Variants in MAGI2 observed in about 807,000 individuals in gnomAD.
The protein encoded by MAGI2 is membrane associated guanylate kinase, WW and PDZ domain containing 2, also known as membrane-associated guanylate kinase, WW and PDZ domain-containing protein 2.
In MAGI2, 35 loss-of-function variants were observed where a neutral mutation model predicts 133.3. The observed-to-expected ratio is 0.26, with a 90% CI of 0.20 to 0.35. The LOEUF is 0.35. Among genes scored for constraint, MAGI2 ranks in the 10% least tolerant of loss-of-function variants. The pLI, the probability that MAGI2 is intolerant of heterozygous loss-of-function variation, is 1.00. For missense variants in MAGI2, 1,636 were observed against 1,863.4 expected (o/e 0.88, Z 2.25); for synonymous variants, 729 against 710.6 (o/e 1.03, Z -0.41).
intron 1 of MAGI2, among the ~76,000 whole-genome samples, chr7:79,343,101 G>T (rs1052581670): frequency 6.6e-6 from 1 of 152,110 alleles, no homozygotes; most frequent in South Asian, 2.1e-4. Flanking sequence ...CTTTACTGAG[G>T]CATAATTGAA....
chr7:78,639,651 G>A (rs753254324), intron 2 of MAGI2, among the ~76,000 whole-genome samples: 3 of 152,062 alleles, frequency 2.0e-5, no homozygotes, highest in Non-Finnish European at 2.9e-5. Context: ...CAGAATTGGG[G>A]ATATTATAAC....
intron 2 of MAGI2, among the ~76,000 whole-genome samples, chr7:78,704,777 T>TCTTTTTTTTTTTC (rs143394451): frequency 0.49 from 57,106 of 117,012 alleles, 14,602 homozygotes; most frequent in Non-Finnish European, 0.54. Flanking sequence ...AGGCCATTAT[T>TCTTTTTTTTTTTC]CTTTTTTTTT....
intron 9 of MAGI2, among the ~76,000 whole-genome samples, chr7:78,288,106 C>T (rs577252821): frequency 6.6e-5 from 10 of 152,080 alleles, no homozygotes; most frequent in African/African-American, 1.4e-4. Flanking sequence ...TTATTTCAAA[C>T]GCATGAGATC....
chr7:78,544,651 A>G (rs892837189), intron 3 of MAGI2, among the ~76,000 whole-genome samples: 4 of 152,166 alleles, frequency 2.6e-5, no homozygotes, highest in African/African-American at 7.2e-5. Flanking sequence ...TGGAATTGCA[A>G]ACTCTGAAGT....
At chr7:78,501,269 C>G (rs966184794) in intron 5 of MAGI2, among the ~76,000 whole-genome samples, 1 of 152,122 alleles carries the variant, frequency 6.6e-6, no homozygotes, top group Non-Finnish European at 1.5e-5. Context: ...GCTGAGTAAG[C>G]ACTTTCTCAT....
At chr7:78,923,408 A>C (rs1028118935) in intron 2 of MAGI2, among the ~76,000 whole-genome samples, 15 of 152,342 alleles carry the variant, frequency 9.8e-5, no homozygotes, top group African/African-American at 2.9e-4. Flanking sequence ...AGATTTCTAC[A>C]TATGGCTAGC....
At chr7:78,550,974 C>G (rs1799289509) in intron 3 of MAGI2, among the ~76,000 whole-genome samples, 1 of 152,018 alleles carries the variant, frequency 6.6e-6, no homozygotes, top group Admixed American at 6.5e-5. Flanking sequence ...TGTAAGCCAT[C>G]TTAAGTCATT....
At chr7:79,173,148 C>G (rs1432495043) in intron 1 of MAGI2, among the ~76,000 whole-genome samples, 1 of 151,662 alleles carries the variant, frequency 6.6e-6, no homozygotes, top group African/African-American at 2.4e-5. Context: ...TAATAGAAAA[C>G]ATTTTATTCA....
At chr7:78,878,733 A>G (rs1795618013) in intron 2 of MAGI2, among the ~76,000 whole-genome samples, 1 of 152,230 alleles carries the variant, frequency 6.6e-6, no homozygotes, top group Admixed American at 6.5e-5. Context: ...TTTTGGGTGG[A>G]GAAAATTCAC....
At chr7:78,471,409 T>C (rs1791191864) in intron 6 of MAGI2, among the ~76,000 whole-genome samples, 1 of 152,134 alleles carries the variant, frequency 6.6e-6, no homozygotes, top group Non-Finnish European at 1.5e-5. Context: ...AGACAATATA[T>C]GTAATACTCT....
intron 9 of MAGI2, among the ~76,000 whole-genome samples, chr7:78,273,501 G>A (rs1032039898): frequency 1.3e-5 from 2 of 152,276 alleles, no homozygotes; most frequent in East Asian, 3.9e-4. Flanking sequence ...TGTTGGGGAA[G>A]TTCTCCTGGA....
intron 2 of MAGI2, among the ~76,000 whole-genome samples, chr7:78,779,263 G>A (rs1826220104): frequency 6.6e-6 from 1 of 151,804 alleles, no homozygotes; most frequent in Non-Finnish European, 1.5e-5. Context: ...TTTCCCCCAG[G>A]CTTGATCATT....
At position 78,168,113 on chromosome 7, in the gene MAGI2, A is replaced by G. The variant is rs773547315; in HGVS notation, c.2404-5T>C. ...AATGACAGCTCCAATCAAAATCTAG[A>G]GAAGCAGTGAGAAGGAAAGGACATT... is the stretch of plus-strand genomic sequence containing the variant. On this transcript the variant is annotated splice_polypyrimidine_tract_variant and splice_region_variant and intron_variant, in intron 14 of 21. Transcript: ENST00000354212. The G allele has an allele frequency of 8.7e-6, 14 of 1,611,420 alleles. No individual in the cohort carries two copies. Among genetic ancestry groups the G allele is most frequent in the Middle Eastern group, 3.3e-4 (2 of 6,068 alleles).
At position 78,256,586 on chromosome 7, in the gene MAGI2, A is replaced by G; in HGVS notation, c.1409-5T>C. On this transcript the variant is annotated splice_polypyrimidine_tract_variant and splice_region_variant and intron_variant, in intron 9 of 21. Coordinates refer to ENST00000354212, the MANE Select transcript of MAGI2 (RefSeq NM_012301.4). ...TAATATAGACAATGACATCACCTGT[A>G]AGAAAAAAAGAGATTGACAACATGA... is the stretch of plus-strand genomic sequence containing the variant. 6.2e-7 allele frequency: 1 copy of G among 1,604,014 alleles called. No homozygotes were observed. Among genetic ancestry groups the G allele is most frequent in the Non-Finnish European group, 8.5e-7 (1 of 1,176,792 alleles).
chr7:79,222,552 T>C (rs1375425183), intron 1 of MAGI2, among the ~76,000 whole-genome samples: 1 of 152,036 alleles, frequency 6.6e-6, no homozygotes, highest in Non-Finnish European at 1.5e-5. Context: ...TTCTGCATAA[T>C]AAAAACCAGT....
At chr7:78,370,932 T>C (rs535859469) in intron 6 of MAGI2, among the ~76,000 whole-genome samples, 1 of 152,078 alleles carries the variant, frequency 6.6e-6, no homozygotes, top group South Asian at 2.1e-4. Context: ...GAAATCTTTC[T>C]TTCAGAAGGA....
At chr7:78,630,830 T>C (rs180915632) in intron 2 of MAGI2, among the ~76,000 whole-genome samples, 1 of 152,294 alleles carries the variant, frequency 6.6e-6, no homozygotes, top group East Asian at 1.9e-4. Context: ...AATTCACAAA[T>C]ACATTTTATA....
chr7:78,046,261 G>T (rs920925302), intron 21 of MAGI2, among the ~76,000 whole-genome samples: 10 of 150,516 alleles, frequency 6.6e-5, no homozygotes, highest in African/African-American at 2.4e-4. Context: ...AATTAACCAG[G>T]CATGTTGGTG....
intron 4 of MAGI2, among the ~76,000 whole-genome samples, chr7:78,506,112 A>G (rs768482795): frequency 1.3e-5 from 2 of 152,320 alleles, no homozygotes; most frequent in East Asian, 1.9e-4. Context: ...GGGTGGCAAG[A>G]GTAGATGTTT....
Sources: allele counts gnomAD v4.1 joint callset (sites outside exome capture counted in the v4.1 genomes callset), GRCh38; gene constraint gnomAD v4.1.1; transcripts MANE v1.5; gene names NCBI Gene and HGNC (gene_info 2026-07-23, HGNC 2026-07-21).